Variants in EFCAB5 observed in about 807,000 individuals in gnomAD.
EFCAB5 encodes EF-hand calcium-binding domain-containing protein 5.
A neutral mutation model predicts 167.9 loss-of-function variants in EFCAB5; 131 were observed. The observed-to-expected ratio is 0.78, with a 90% CI of 0.68 to 0.90. The LOEUF (loss-of-function observed/expected upper bound fraction) is 0.90. Ranked by LOEUF, EFCAB5 falls within the 40% of genes least tolerant of loss-of-function variation. The pLI, the probability that EFCAB5 is intolerant of heterozygous loss-of-function variation, is 0.00. For missense variants in EFCAB5, 1,663 were observed against 1,745.2 expected (o/e 0.95, Z 0.84); for synonymous variants, 574 against 602.8 (o/e 0.95, Z 0.70).
chr17:29,971,040 C>T lies in EFCAB5; in HGVS notation c.767+1673C>T, dbSNP rs549491746. Among the ~76,000 whole-genome samples, 8 of 151,216 alleles carry T rather than the reference C, an allele frequency of 5.3e-5. No homozygotes were observed. The South Asian group carries it at 1.7e-3, about 32-fold the overall frequency. ...CAGTGAGCCGAGATGCACCACTACA[C>T]TCCAGCCTGGGCAACAGAGTGAGAC... On this transcript the variant is annotated intron_variant, in intron 4 of 22. Transcript: ENST00000394835.
At chr17:30,070,891 A>C (rs984870060) in intron 14 of EFCAB5, among the ~76,000 whole-genome samples, 2 of 140,084 alleles carry the variant, frequency 1.4e-5, no homozygotes, top group African/African-American at 5.5e-5. Context: ...CAGAGGTTGC[A>C]ATGAGCCGAG....
At position 30,092,883 on chromosome 17, in the gene EFCAB5, C is replaced by T; in HGVS notation, c.4268C>T (p.Pro1423Leu). 4 of 1,611,372 alleles carry T rather than the reference C, an allele frequency of 2.5e-6. No homozygotes were observed. The highest frequency in any genetic ancestry group is 3.4e-6 in the Non-Finnish European group (4 of 1,178,830). Residue 1423 changes from proline (P) to leucine (L), a missense_variant, in exon 22 of 23, where the codon CCA (proline) becomes CTA (leucine). By Grantham distance (98) the Pro-to-Leu change is moderately conservative. Coordinates refer to ENST00000394835, the MANE Select transcript of EFCAB5 (RefSeq NM_198529.4). ...GTCAACAATATTTGTGCCTTTGATC[C>T]AACTGCCAAGCATGTGGAAGTTAAT... ...YLVNNICAFDPTAKHVEVNVQ... is the reference protein window; with the variant it reads ...YLVNNICAFDLTAKHVEVNVQ...
rs2070159750 is a variant in EFCAB5 at position 30,053,479 on chromosome 17, C to T, written c.1525C>T (p.Gln509Ter). Residue 509 changes from glutamine to a stop codon, truncating the protein, a stop_gained, in exon 10 of 23, where the codon CAG (glutamine) becomes TAG (stop). Coordinates refer to ENST00000394835, the MANE Select transcript of EFCAB5 (RefSeq NM_198529.4). LOFTEE classifies it high-confidence loss of function. ...ACCATCACCAAACCCGCCAGAACAG[C>T]AGAGAGGAGTAACTGCAGAACAAGG... is the stretch of plus-strand genomic sequence containing the variant. ...STPSPNPPEQQRGVTAEQGPQ... is the reference protein window; with the variant it reads ...STPSPNPPEQ 6.2e-7 allele frequency: 1 copy of T among 1,613,932 alleles called. No homozygotes were observed.
chr17:30,075,928 C>A (rs1332173047), intron 14 of EFCAB5, among the ~76,000 whole-genome samples: 2 of 152,208 alleles, frequency 1.3e-5, no homozygotes, highest in Middle Eastern at 3.2e-3. Context: ...ATGAAGAATC[C>A]ACAAGGCACT....
intron 19 of EFCAB5, among the ~76,000 whole-genome samples, chr17:30,087,660 G>C (rs890647386): frequency 1.3e-5 from 2 of 152,120 alleles, no homozygotes; most frequent in African/African-American, 4.8e-5. Flanking sequence ...CATGATGTGT[G>C]TGTATACCAC....
At chr17:30,036,191 A>G (rs2069613805) in intron 8 of EFCAB5, among the ~76,000 whole-genome samples, 1 of 142,388 alleles carries the variant, frequency 7.0e-6, no homozygotes, top group Non-Finnish European at 1.5e-5. Flanking sequence ...ATGTATAAAT[A>G]TATCTTATAA....
intron 4 of EFCAB5, among the ~76,000 whole-genome samples, chr17:29,983,583 AG>A (rs1008081087): frequency 3.0e-4 from 46 of 152,328 alleles, no homozygotes; most frequent in African/African-American, 1.1e-3. Flanking sequence ...CTTCCCTTCC[AG>A]TCCCCTTACA....
intron 21 of EFCAB5, 97 bp downstream of exon 21, chr17:30,092,254 T>C: frequency 1.5e-6 from 2 of 1,307,410 alleles, no homozygotes; most frequent in East Asian, 4.9e-5. Flanking sequence ...AGGGTACAAA[T>C]GCAAGAATTT....
Position 30,107,856 on chromosome 17 carries a change from G to T in EFCAB5, c.4344G>T (p.Trp1448Cys). 3 of 1,573,146 alleles carry T rather than the reference G, an allele frequency of 1.9e-6. No homozygotes were observed. In the South Asian group the frequency reaches 3.6e-5, roughly 19 times the overall value. Residue 1448 changes from tryptophan (W) to cysteine (C), a missense_variant, in exon 23 of 23, where the codon TGG becomes TGT. Physicochemically the swap from Trp to Cys is radical, Grantham distance 215. Coordinates refer to ENST00000394835, the MANE Select transcript of EFCAB5 (RefSeq NM_198529.4). ...YIRDHSRTEVWKFGNVVIEHL... is the reference protein window; with the variant it reads ...YIRDHSRTEVCKFGNVVIEHL... ...CAGATCATTCCCGAACTGAAGTATG[G>T]AAATTTGGTAATGTTGTCATTGAAC...
At chr17:29,967,573 G>A (rs745681828) in intron 3 of EFCAB5, among the ~76,000 whole-genome samples, 58 of 152,136 alleles carry the variant, frequency 3.8e-4, no homozygotes, top group Admixed American at 6.6e-4. Context: ...TCTTCAATCA[G>A]TTGAATTCCC....
intron 3 of EFCAB5, among the ~76,000 whole-genome samples, chr17:29,952,869 C>G (rs1477339793): frequency 6.6e-6 from 1 of 151,820 alleles, no homozygotes; most frequent in Non-Finnish European, 1.5e-5. Context: ...ACTTGCAGGT[C>G]TTTAATATTT....
Position 30,108,050 on chromosome 17 carries a change from T to G in EFCAB5, c.*26T>G, listed in dbSNP as rs778910224. 5.1e-6 allele frequency: 8 copies of G among 1,576,588 alleles called. No homozygotes were observed. The Admixed American group carries it at 1.2e-4, about 24-fold the overall frequency. ...TAATGGATGATAATGGAATTGATAC[T>G]GTATTTAGGATCCTTTGTTTGTTAT... On this transcript the variant is annotated 3_prime_UTR_variant, in exon 23 of 23. Transcript: ENST00000394835.
chr17:30,008,051 A>T (rs1423402399), intron 7 of EFCAB5, among the ~76,000 whole-genome samples: 1 of 107,816 alleles, frequency 9.3e-6, no homozygotes, highest in Non-Finnish European at 1.8e-5. Context: ...CCAATCCCCC[A>T]ATCTATTAAG....
chr17:30,003,178 T>A (rs1207390628), intron 7 of EFCAB5, among the ~76,000 whole-genome samples: 1 of 151,908 alleles, frequency 6.6e-6, no homozygotes, highest in East Asian at 1.9e-4. Flanking sequence ...TTCCTTCCTC[T>A]GTCTTTTCCA....
At chr17:30,015,205 G>A (rs1293611156) in intron 7 of EFCAB5, among the ~76,000 whole-genome samples, 3 of 152,268 alleles carry the variant, frequency 2.0e-5, no homozygotes, top group South Asian at 2.1e-4. Flanking sequence ...TGGGTAACCC[G>A]ACTTTTCTCT....
chr17:30,101,733 G>A (rs1169230396), intron 22 of EFCAB5, among the ~76,000 whole-genome samples: 1 of 152,204 alleles, frequency 6.6e-6, no homozygotes, highest in African/African-American at 2.4e-5. Context: ...TGTGGTAACC[G>A]GAGGAGGAAA....
At chr17:30,089,988 G>T (rs545363266) in intron 19 of EFCAB5, among the ~76,000 whole-genome samples, 1 of 152,128 alleles carries the variant, frequency 6.6e-6, no homozygotes, top group Non-Finnish European at 1.5e-5. Context: ...GCGAACACTC[G>T]CTCAGTAAAT....
rs1597572833 is a variant in EFCAB5 at position 30,097,073 on chromosome 17, T to TC, written c.4321+4137_4321+4138insC. ...ACATATATATATATTTTTTTTTTTT[T>TC]GAGATGGAGTTTCGCTCTTGTTGCC... On this transcript the variant is annotated intron_variant, in intron 22 of 22. Coordinates refer to ENST00000394835, the MANE Select transcript of EFCAB5 (RefSeq NM_198529.4). Among the ~76,000 whole-genome samples, 5 of 138,198 alleles carry TC rather than the reference T, an allele frequency of 3.6e-5. No homozygotes were observed. The East Asian group carries it at 1.1e-3, about 30-fold the overall frequency. The allele number at this position is 138,198 out of a possible 152,430, so 90.7% of individuals were successfully genotyped here.
intron 21 of EFCAB5, 119 bp downstream of exon 21, chr17:30,092,276 A>G: frequency 9.3e-7 from 1 of 1,073,944 alleles, no homozygotes; most frequent in Non-Finnish European, 1.3e-6. Flanking sequence ...TACTGAGTGG[A>G]ACACGTTCAC....
Sources: allele counts gnomAD v4.1 joint callset (sites outside exome capture counted in the v4.1 genomes callset), GRCh38; gene constraint gnomAD v4.1.1; transcripts MANE v1.5; gene names NCBI Gene and HGNC (gene_info 2026-07-23, HGNC 2026-07-21).